PSMG4: variants seen among roughly 807,000 people sequenced by gnomAD.
PSMG4 encodes proteasome (prosome, macropain) assembly chaperone 4.
In PSMG4, 10 loss-of-function variants were observed where a neutral mutation model predicts 11.0. The observed-to-expected ratio is 0.91, with a 90% CI of 0.56 to 1.54. The LOEUF (loss-of-function observed/expected upper bound fraction) is 1.54. Ranked by LOEUF, PSMG4 falls within the 40% of genes most tolerant of loss-of-function variation. PSMG4 has a pLI of 0.00. For synonymous variants in PSMG4, 95 were observed against 71.3 expected, an observed-to-expected ratio of 1.33 and a Z score of -1.68; for missense variants, 198 against 160.9, an observed-to-expected ratio of 1.23 and a Z score of -1.25.
upstream of PSMG4, among the ~76,000 whole-genome samples, chr6:3,255,408 C>A (rs965663717): frequency 1.3e-5 from 2 of 152,054 alleles, no homozygotes; most frequent in African/African-American, 2.4e-5. Context: ...CAAGGATTTT[C>A]ACACTTCGTG....
rs1758250808 is a variant in PSMG4 at position 3,267,700 on chromosome 6, C to T, written c.360C>T (p.Pro120=). The change falls in exon 3 of 3, where the codon CCC becomes CCT. Residue 120 remains proline (P), a synonymous_variant. Coordinates refer to ENST00000438998, the MANE Select transcript of PSMG4 (RefSeq NM_001128591.2). ...NRIKEEMEAF[P]EKF ...TCAAGGAAGAGATGGAGGCTTTCCC[C>T]GAAAAGTTCTAGCTGAGTGGCAGAA... The T allele has an allele frequency of 3.2e-5, 49 of 1,551,900 alleles. 1 individual carries two copies. In the East Asian group the frequency reaches 4.4e-4, roughly 14 times the overall value.
chr6:3,260,352 C>T (rs1408336529), intron 1 of PSMG4, among the ~76,000 whole-genome samples: 1 of 129,886 alleles, frequency 7.7e-6, no homozygotes, highest in Non-Finnish European at 1.6e-5. Flanking sequence ...AGTGCAATGG[C>T]GTGATCTTGG....
intron 1 of PSMG4, among the ~76,000 whole-genome samples, chr6:3,262,174 G>A (rs186922992): frequency 2.0e-5 from 3 of 152,296 alleles, no homozygotes; most frequent in African/African-American, 4.8e-5. Context: ...TGGACCCCCC[G>A]CCCGGCCTCT....
chr6:3,262,792 G>GGGTTT (rs10622830), intron 1 of PSMG4, among the ~76,000 whole-genome samples: 3 of 141,762 alleles, frequency 2.1e-5, no homozygotes, highest in East Asian at 2.0e-4. Flanking sequence ...ACCAATAAGT[G>GGGTTT]TTTTTTTTTT....
chr6:3,260,291 A>ATTTTTTTTTTTTTTTT (rs869076629), intron 1 of PSMG4, among the ~76,000 whole-genome samples: 28 of 70,864 alleles, frequency 4.0e-4, no homozygotes, highest in Non-Finnish European at 5.6e-4. Context: ...ATATATATAT[A>ATTTTTTTTTTTTTTTT]TTTTTTTTTT....
At position 3,267,790 on chromosome 6, in the gene PSMG4, T is replaced by C. The variant is rs1758254591; in HGVS notation, c.*78T>C. 3.5e-6 allele frequency: 5 copies of C among 1,430,260 alleles called. No homozygotes were observed. Among genetic ancestry groups the C allele is most frequent in the Middle Eastern group, 3.6e-4 (2 of 5,626 alleles). 88.6% of individuals were successfully genotyped at this position (1,430,260 alleles called of 1,614,324 possible). A position where few individuals can be genotyped will look rare whatever the true frequency, so the allele number is the denominator to read the frequency against. The stretch of plus-strand genomic sequence containing the variant: ...AAATGGATTGAATTTCAGTTTGTCA[T>C]CAGGCCGCGCTCCCGTTTTGTTTTT... On this transcript the variant is annotated 3_prime_UTR_variant, in exon 3 of 3. Transcript: ENST00000438998.
intron 1 of PSMG4, among the ~76,000 whole-genome samples, chr6:3,261,768 T>C (rs1306971547): frequency 1.3e-5 from 2 of 152,090 alleles, no homozygotes; most frequent in Non-Finnish European, 2.9e-5. Context: ...CCATCTACTG[T>C]CCACCTGTGA....
intron 1 of PSMG4, among the ~76,000 whole-genome samples, chr6:3,261,136 G>A (rs946014648): frequency 6.6e-6 from 1 of 152,260 alleles, no homozygotes; most frequent in Non-Finnish European, 1.5e-5. Context: ...GGGGCAGGAA[G>A]TCATGGGTGA....
chr6:3,254,948 G>C (rs1757698972), upstream of PSMG4: 3 of 1,305,594 alleles, frequency 2.3e-6, no homozygotes, highest in East Asian at 5.1e-5. Context: ...GGTGTCAGCT[G>C]TTGGGTGTTG....
chr6:3,266,449 G>GC (rs1758184638), intron 2 of PSMG4: 1 of 152,244 alleles, frequency 6.6e-6, no homozygotes, highest in Non-Finnish European at 1.5e-5. Context: ...TGAGGTGGGG[G>GC]TGGGTCAGTG....
chr6:3,267,529 T>TG (rs1272934115), intron 2 of PSMG4, 62 bp from the exon 3 acceptor site: 22 of 1,533,240 alleles, frequency 1.4e-5, no homozygotes, highest in Admixed American at 2.0e-5. Context: ...CACGTGGCTG[T>TG]GAGGAACACG....
At position 3,259,088 on chromosome 6, in the gene PSMG4, G is replaced by A; in HGVS notation, c.66G>A (p.Trp22Ter). 7.9e-7 allele frequency: 1 copy of A among 1,271,868 alleles called. No individual in the cohort carries two copies. Among genetic ancestry groups the A allele is most frequent in the Non-Finnish European group, 9.9e-7 (1 of 1,006,848 alleles). The allele number at this position is 1,271,868 out of a possible 1,614,324, so 78.8% of individuals were successfully genotyped here. A position where few individuals can be genotyped will look rare whatever the true frequency, so the allele number is the denominator to read the frequency against. Reference protein sequence around the residue: ...VSLHNFSARLWEQLVHFHVMR... With the variant: ...VSLHNFSARL ...TGCACAACTTCAGCGCGAGGCTGTG[G>A]GAGCAGCTGGTCCACTTCCACGTCA... Residue 22 changes from tryptophan (W) to a stop codon, truncating the protein, a stop_gained, in exon 1 of 3, where the codon TGG (tryptophan) becomes TGA (stop). Transcript: ENST00000438998. LOFTEE classifies it high-confidence loss of function.
intron 2 of PSMG4, chr6:3,264,542 C>G (rs4324814): frequency 0.74 from 636,146 of 859,262 alleles, 236,652 homozygotes; most frequent in Admixed American, 0.75. Flanking sequence ...AGCATGGCAC[C>G]TGGCCCAGGG....
chr6:3,256,213 T>C (rs1338754548), upstream of PSMG4, among the ~76,000 whole-genome samples: 1 of 152,212 alleles, frequency 6.6e-6, no homozygotes, highest in Non-Finnish European at 1.5e-5. Flanking sequence ...CTTGGTTTTC[T>C]CCACTATGAT....
At chr6:3,255,287 G>T, upstream of PSMG4, 1 of 1,533,812 alleles carries the variant, frequency 6.5e-7, no homozygotes, top group Admixed American at 2.0e-5. Flanking sequence ...GGGTCTATCG[G>T]TGCCCATCCT....
chr6:3,259,445 A>G (rs1436866850), intron 1 of PSMG4, among the ~76,000 whole-genome samples: 1 of 152,192 alleles, frequency 6.6e-6, no homozygotes, highest in Non-Finnish European at 1.5e-5. Context: ...TGGTCTCTGT[A>G]GGTCAGAATG....
intron 2 of PSMG4, chr6:3,264,136 T>A (rs959280026): frequency 6.5e-7 from 1 of 1,536,658 alleles, no homozygotes; most frequent in African/African-American, 1.4e-5. Flanking sequence ...TTAGGAGGAG[T>A]CAGTGCAGCT....
upstream of PSMG4, chr6:3,255,261 A>T (rs184028410): frequency 6.5e-7 from 1 of 1,546,466 alleles, no homozygotes; most frequent in East Asian, 2.4e-5. Flanking sequence ...GTTCTGTGTT[A>T]CCACGGCTGT....
In PSMG4 at chr6:3,259,020, G is replaced by C. The variant is rs1030930935; in HGVS notation, c.-3G>C. The stretch of plus-strand genomic sequence containing the variant: ...CGCTGTGGGCCGGGAGCCGTGGGGC[G>C]GCATGGAGGGGCTGGTTGTCGCCGC... On this transcript the variant is annotated 5_prime_UTR_variant, in exon 1 of 3. Transcript: ENST00000438998. 3 of 1,245,432 alleles carry C rather than the reference G, an allele frequency of 2.4e-6. No individual in the cohort carries two copies. The highest frequency in any genetic ancestry group is 3.7e-5 in the South Asian group (1 of 27,162). 77.1% of individuals were successfully genotyped at this position (1,245,432 alleles called of 1,614,324 possible). A position where few individuals can be genotyped will look rare whatever the true frequency, so the allele number is the denominator to read the frequency against.
Sources: allele counts gnomAD v4.1 joint callset (sites outside exome capture counted in the v4.1 genomes callset), GRCh38; gene constraint gnomAD v4.1.1; transcripts MANE v1.5; gene names NCBI Gene and HGNC (gene_info 2026-07-23, HGNC 2026-07-21).